The following IPO9 variants were observed in gnomAD, a reference collection of about 807,000 sequenced individuals.
IPO9 encodes importin 9.
A neutral mutation model predicts 128.6 loss-of-function variants in IPO9; 28 were observed. The observed-to-expected ratio is 0.22, with a 90% CI of 0.16 to 0.30. The LOEUF is 0.30. Among genes scored for constraint, IPO9 ranks in the 10% least tolerant of loss-of-function variants. IPO9 has a pLI of 1.00. For missense variants in IPO9, 935 were observed against 1,293.9 expected, an observed-to-expected ratio of 0.72 and a Z score of 4.26; for synonymous variants, 455 against 475.8, an observed-to-expected ratio of 0.96 and a Z score of 0.57.
At chr1:201,844,663 C>T (rs1230675981) in intron 1 of IPO9, among the ~76,000 whole-genome samples, 1 of 152,154 alleles carries the variant, frequency 6.6e-6, no homozygotes, top group Non-Finnish European at 1.5e-5. Context: ...TTCTGTAAGT[C>T]TTTAAAAATT....
Position 201,854,553 on chromosome 1 carries a change from A to G in IPO9, c.691-42A>G, listed in dbSNP as rs746515694. The G allele has an allele frequency of 1.2e-5, 19 of 1,608,222 alleles. 1 individual carries two copies. In the South Asian group the frequency reaches 2.0e-4, roughly 17 times the overall value. Reference sequence around the variant, plus strand: ...TGATATATATGTGTTGAAGCCATGGATTAGGGGTTTGTCCAGTATTGACTT... The same window carrying G: ...TGATATATATGTGTTGAAGCCATGGGTTAGGGGTTTGTCCAGTATTGACTT... On this transcript the variant is annotated intron_variant, in intron 6 of 23. Transcript: ENST00000361565.
At position 201,873,733 on chromosome 1, in the gene IPO9, G is replaced by A. The variant is rs534386913; in HGVS notation, c.2711-517G>A. Among the ~76,000 whole-genome samples, 238 of 152,028 alleles carry A rather than the reference G, an allele frequency of 1.6e-3. 1 individual carries two copies. Among genetic ancestry groups the A allele is most frequent in the Non-Finnish European group, 2.4e-3 (161 of 67,974 alleles). On this transcript the variant is annotated intron_variant, in intron 20 of 23. Transcript: ENST00000361565. ...TTGCACTCCAGCCTGGGCAATAAGA[G>A]CAAAACTCTGTCTGAAGAAAAAAAA...
Position 201,846,376 on chromosome 1 carries a change from G to A in IPO9, c.164-903G>A, listed in dbSNP as rs563650835. On this transcript the variant is annotated intron_variant, in intron 1 of 23. Transcript: ENST00000361565. ...TGATATTTTGTTTTTGTTTTGTTTT[G>A]TTTGTTTGTTTTTTGAGACGGAGTC... Among the ~76,000 whole-genome samples, 5 of 152,096 alleles carry A rather than the reference G, an allele frequency of 3.3e-5. No individual in the cohort carries two copies. The South Asian group carries it at 1.0e-3, about 32-fold the overall frequency.
At position 201,829,191 on chromosome 1, in the gene IPO9, C is replaced by A. The variant is rs748034927; in HGVS notation, c.-19C>A. The A allele has an allele frequency of 3.3e-6, 5 of 1,492,826 alleles. No individual in the cohort carries two copies. The highest frequency in any genetic ancestry group is 2.3e-4 in the Middle Eastern group (1 of 4,292). The allele number at this position is 1,492,826 out of a possible 1,614,324, so 92.5% of individuals were successfully genotyped here. A position where few individuals can be genotyped will look rare whatever the true frequency, so the allele number is the denominator to read the frequency against. ...TGGCGGGTCCCGGCCGCGGGGCTGG[C>A]GGGCTGAGGGGAGAAAAGATGGCGG... On this transcript the variant is annotated 5_prime_UTR_variant, in exon 1 of 24. Transcript: ENST00000361565.
chr1:201,870,453 A>G lies in IPO9; in HGVS notation c.2134-130A>G. ...GTCTTAACTCCAGTGGTATGAGCCC[A>G]CCACAAACATTATAGACTCACCGCT... On this transcript the variant is annotated intron_variant, in intron 17 of 23. Coordinates refer to ENST00000361565, the MANE Select transcript of IPO9 (RefSeq NM_018085.5). The surrounding 1 kb of genome is among the most constrained non-coding windows in gnomAD (Gnocchi z 4.9). 2.0e-6 allele frequency: 2 copies of G among 999,942 alleles called. 1 individual carries two copies. The highest frequency in any genetic ancestry group is 3.4e-5 in the South Asian group (2 of 58,754). The allele number at this position is 999,942 out of a possible 1,614,324, so 61.9% of individuals were successfully genotyped here.
At chr1:201,845,142 G>A (rs1023926679) in intron 1 of IPO9, among the ~76,000 whole-genome samples, 3 of 151,954 alleles carry the variant, frequency 2.0e-5, no homozygotes, top group Admixed American at 1.3e-4. Flanking sequence ...TCAGCCTCTC[G>A]AGTAGCTGGG....
chr1:201,853,096 A>G lies in IPO9; in HGVS notation c.689A>G (p.Lys230Arg), dbSNP rs764107524. ...HMICNMEELE[K>R]GAAKVLIFPV... is the part of the protein sequence containing the mutation. ...ATCTGTAACATGGAGGAGCTGGAAA[A>G]GGTAAGCAGGTCTTTGGATCAATAA... The change falls in exon 6 of 24, where the codon AAG becomes AGG. Residue 230 changes from lysine to arginine, a missense_variant and splice_region_variant. By Grantham distance (26) the Lys-to-Arg change is conservative. This residue lies in a region of IPO9 where 741 missense variants were observed against 1,019.1 expected (regional missense o/e 0.73). Coordinates refer to ENST00000361565, the MANE Select transcript of IPO9 (RefSeq NM_018085.5). 3 of 1,613,466 alleles carry G rather than the reference A, an allele frequency of 1.9e-6. No homozygotes were observed. Among genetic ancestry groups the G allele is most frequent in the African/African-American group, 1.3e-5 (1 of 75,038 alleles).
At chr1:201,873,127 G>A (rs919595900) in intron 20 of IPO9, among the ~76,000 whole-genome samples, 166 bp downstream of exon 20, 2 of 152,104 alleles carry the variant, frequency 1.3e-5, no homozygotes, top group Admixed American at 6.5e-5. Flanking sequence ...CAGAACATAC[G>A]GTTTCTTCCT....
intron 14 of IPO9, among the ~76,000 whole-genome samples, chr1:201,865,248 G>A (rs1490639672): frequency 1.4e-5 from 2 of 138,690 alleles, no homozygotes; most frequent in South Asian, 2.2e-4. Context: ...GCTGTCTGTC[G>A]CCCAGGCTGG....
chr1:201,839,560 C>CAAAAAAAAAAAAAA (rs4025036), intron 1 of IPO9, among the ~76,000 whole-genome samples: 1 of 33,952 alleles, frequency 2.9e-5, no homozygotes, highest in Non-Finnish European at 6.1e-5. Flanking sequence ...GACTCCATCT[C>CAAAAAAAAAAAAAA]AAAAAAAAAA....
Position 201,853,060 on chromosome 1 carries a change from G to T in IPO9, c.653G>T (p.Cys218Phe). 1.2e-6 allele frequency: 2 copies of T among 1,614,054 alleles called. No homozygotes were observed. The highest frequency in any genetic ancestry group is 1.7e-6 in the Non-Finnish European group (2 of 1,179,992). ...CGAGCCGTGGAGATTTTTACCACTT[G>T]TGCCCATATGATCTGTAACATGGAG... ...RSRAVEIFTT[C>F]AHMICNMEEL... The change falls in exon 6 of 24, where the codon TGT (cysteine) becomes TTT (phenylalanine). Residue 218 changes from cysteine to phenylalanine, a missense_variant. Cys to Phe is a radical substitution (Grantham distance 205). Coordinates refer to ENST00000361565, the MANE Select transcript of IPO9 (RefSeq NM_018085.5).
intron 17 of IPO9, 95 bp downstream of exon 17, chr1:201,869,813 AAT>A: frequency 1.4e-6 from 2 of 1,427,266 alleles, no homozygotes; most frequent in Non-Finnish European, 1.9e-6. Context: ...ATGCTTTTGA[AAT>A]ACGGAATTCT....
chr1:201,863,576 G>A lies in IPO9; in HGVS notation c.1597G>A (p.Val533Ile). ...SGLHETQPPS[V>I]RISAVRAIWG... is the part of the protein sequence containing the mutation. ...TCTTCACGAGACACAGCCCCCATCA[G>A]TTCGAATTTCTGCAGTGAGAGCCAT... is the stretch of plus-strand genomic sequence containing the variant. Residue 533 changes from valine (V) to isoleucine (I), a missense_variant, in exon 14 of 24, where the codon GTT becomes ATT. Val to Ile is a conservative substitution (Grantham distance 29, BLOSUM62 3). Coordinates refer to ENST00000361565, the MANE Select transcript of IPO9 (RefSeq NM_018085.5). 1.3e-6 allele frequency: 2 copies of A among 1,594,976 alleles called. No individual in the cohort carries two copies. The highest frequency in any genetic ancestry group is 4.5e-5 in the East Asian group (2 of 44,382).
intron 4 of IPO9, among the ~76,000 whole-genome samples, chr1:201,850,982 T>C (rs907180230): frequency 6.6e-6 from 1 of 152,118 alleles, no homozygotes; most frequent in Non-Finnish European, 1.5e-5. Flanking sequence ...TCCCCCAAAA[T>C]GTCCCAAGTG....
intron 2 of IPO9, 99 bp downstream of exon 2, chr1:201,847,439 A>T: frequency 1.5e-6 from 2 of 1,359,472 alleles, no homozygotes; most frequent in Non-Finnish European, 2.1e-6. Context: ...TAAATAACCT[A>T]GGATGTTGTG....
In IPO9 at chr1:201,868,821, G is replaced by GTT. The variant is rs771671276; in HGVS notation, c.2004+26_2004+27insTT. 1.9e-6 allele frequency: 3 copies of GTT among 1,588,244 alleles called. No homozygotes were observed. In the South Asian group the frequency reaches 3.4e-5, roughly 18 times the overall value. ...GGTAAGTGGCCGTGTGTGTGTGTGT[G>GTT]TGTGTGTGAGAGAGATCTACAAGTG... On this transcript the variant is annotated intron_variant, in intron 16 of 23. Transcript: ENST00000361565.
chr1:201,847,844 C>T (rs1680149042), intron 3 of IPO9, among the ~76,000 whole-genome samples: 1 of 152,186 alleles, frequency 6.6e-6, no homozygotes, highest in Non-Finnish European at 1.5e-5. Context: ...TTGCTTTTTA[C>T]AAGCTATGAG....
Position 201,877,484 on chromosome 1 carries a change from C to CA in IPO9, c.*1432dup, listed in dbSNP as rs1006029411. On this transcript the variant is annotated 3_prime_UTR_variant, in exon 24 of 24. Coordinates refer to ENST00000361565, the MANE Select transcript of IPO9 (RefSeq NM_018085.5). ...CACCGTTGCATTCCAAGGCAAGACT[C>CA]AATCACACACACACACACACACACA... 4 of 92,202 alleles carry CA rather than the reference C, an allele frequency of 4.3e-5. No individual in the cohort carries two copies. Among genetic ancestry groups the CA allele is most frequent in the African/African-American group, 1.3e-4 (4 of 30,066 alleles). The allele number at this position is 92,202 out of a possible 1,614,324, so 5.7% of individuals were successfully genotyped here.
chr1:201,871,006 A>G, intron 18 of IPO9, 148 bp downstream of exon 18: 1 of 1,288,128 alleles, frequency 7.8e-7, no homozygotes, highest in South Asian at 1.4e-5. Context: ...TGTTTGGCCT[A>G]AGAAACATGG....
Sources: gnomAD v4.1 joint callset for allele counts (sites outside exome capture counted in the v4.1 genomes callset) on GRCh38, gnomAD v4.1.1 for gene constraint, gnomAD v4.1.1 regional missense constraint, Gnocchi (gnomAD v3.1) non-coding constraint, MANE v1.5 for transcripts, NCBI Gene and HGNC (gene_info 2026-07-23, HGNC 2026-07-21) for gene names.